Variants in STAT5A observed in about 807,000 individuals in gnomAD.
STAT5A encodes the protein signal transducer and activator of transcription 5A.
STAT5A carries 26 observed loss-of-function variants against 100.2 expected under a neutral mutation model. That is an observed-to-expected ratio of 0.26 (90% CI 0.19 to 0.36). The LOEUF is 0.36. STAT5A is among the 10% of genes least tolerant of loss of function. The probability of loss-of-function intolerance (pLI) is 1.00; values close to 1 mark genes in which losing one functional copy is unlikely to be tolerated. For synonymous variants in STAT5A, 330 were observed against 424.3 expected, an observed-to-expected ratio of 0.78 and a Z score of 2.73; for missense variants, 634 against 1,027.5, an observed-to-expected ratio of 0.62 and a Z score of 5.24.
At chr17:42,305,297 G>A (rs368140775) in intron 11 of STAT5A, among the ~76,000 whole-genome samples, 1 of 152,090 alleles carries the variant, frequency 6.6e-6, no homozygotes, top group East Asian at 1.9e-4. Context: ...GAGGTCAGGG[G>A]TTCGAGATCA....
intron 3 of STAT5A, among the ~76,000 whole-genome samples, chr17:42,291,188 G>C (rs2080865184): frequency 6.6e-6 from 1 of 152,222 alleles, no homozygotes; most frequent in Admixed American, 6.5e-5. Context: ...TCACAATAGG[G>C]TTAGCATTCC....
At position 42,304,472 on chromosome 17, in the gene STAT5A, C is replaced by A. The variant is rs779765082; in HGVS notation, c.1257+43C>A. 3 of 1,614,050 alleles carry A rather than the reference C, an allele frequency of 1.9e-6. No individual in the cohort carries two copies. The highest frequency in any genetic ancestry group is 2.5e-6 in the Non-Finnish European group (3 of 1,179,990). On this transcript the variant is annotated intron_variant, in intron 10 of 18. Coordinates refer to ENST00000590949, the MANE Select transcript of STAT5A (RefSeq NM_001288718.2). This position sits in a 1 kb window ranked among gnomAD's most constrained non-coding sequence, Gnocchi z 4.8. Reference sequence around the variant, plus strand: ...CCTCGGAGGGCAGGTCTGCCCAGAGCTGAGTCCTTGTAAGCAGCCGCCATC... The same window carrying A: ...CCTCGGAGGGCAGGTCTGCCCAGAGATGAGTCCTTGTAAGCAGCCGCCATC...
Position 42,308,617 on chromosome 17 carries a change from G to A in STAT5A, c.2062+284G>A, listed in dbSNP as rs1029002035. 8.1e-5 allele frequency: 42 copies of A among 518,694 alleles called. No homozygotes were observed. Among genetic ancestry groups the A allele is most frequent in the Middle Eastern group, 5.3e-4 (1 of 1,884 alleles). The allele number at this position is 518,694 out of a possible 1,614,324, so 32.1% of individuals were successfully genotyped here. On this transcript the variant is annotated intron_variant, in intron 16 of 18. Transcript: ENST00000590949. This position sits in a 1 kb window ranked among gnomAD's most constrained non-coding sequence, Gnocchi z 4.6. ...GGTGGCAGCACTGTAGGGAGTGGCC[G>A]GGATCATTCGAGCCCACAGATAGTG...
Position 42,304,099 on chromosome 17 carries a change from G to T in STAT5A, c.1170-243G>T, listed in dbSNP as rs892603339. 3 of 531,634 alleles carry T rather than the reference G, an allele frequency of 5.6e-6. No homozygotes were observed. The African/African-American group carries it at 5.7e-5, about 10-fold the overall frequency. 32.9% of individuals were successfully genotyped at this position (531,634 alleles called of 1,614,324 possible). A position where few individuals can be genotyped will look rare whatever the true frequency, so the allele number is the denominator to read the frequency against. On this transcript the variant is annotated intron_variant, in intron 9 of 18. Coordinates refer to ENST00000590949, the MANE Select transcript of STAT5A (RefSeq NM_001288718.2). The surrounding 1 kb of genome is among the most constrained non-coding windows in gnomAD (Gnocchi z 4.8). ...CCCCAAAGCCCTCACATCAATCTTG[G>T]TATCGAGGAATTTCTAATGATAGAT... is the stretch of plus-strand genomic sequence containing the variant.
intron 9 of STAT5A, among the ~76,000 whole-genome samples, chr17:42,303,970 A>G (rs1163016720): frequency 2.0e-5 from 3 of 151,938 alleles, no homozygotes; most frequent in African/African-American, 4.8e-5. Flanking sequence ...GTGAGGGGAG[A>G]GGAATTCAGT....
intron 15 of STAT5A, 65 bp downstream of exon 15, chr17:42,307,788 C>T: frequency 1.3e-6 from 2 of 1,582,542 alleles, no homozygotes; most frequent in African/African-American, 1.3e-5. Context: ...TGCCCCGCCA[C>T]CCCACCCTCC....
At position 42,309,110 on chromosome 17, in the gene STAT5A, G is replaced by C; in HGVS notation, c.2114+12G>C. Reference sequence around the variant, plus strand: ...CAAGTGGTCCCTGAGTAAGTGTCCAGGTGGCTGTGGCTCTCCTTCTGCCTC... The same window carrying C: ...CAAGTGGTCCCTGAGTAAGTGTCCACGTGGCTGTGGCTCTCCTTCTGCCTC... On this transcript the variant is annotated intron_variant, in intron 17 of 18. Transcript: ENST00000590949. 6.2e-7 allele frequency: 1 copy of C among 1,613,896 alleles called. No homozygotes were observed. Among genetic ancestry groups the C allele is most frequent in the Non-Finnish European group, 8.5e-7 (1 of 1,180,004 alleles).
chr17:42,306,142 T>C (rs971930868), intron 12 of STAT5A, 99 bp from the exon 13 acceptor site: 1 of 1,582,700 alleles, frequency 6.3e-7, no homozygotes, highest in Non-Finnish European at 8.6e-7. Context: ...TGGATCTGTC[T>C]CAGTCTCCTC....
rs1368267339 is a variant in STAT5A at position 42,295,706 on chromosome 17, A to C, written c.463A>C (p.Thr155Pro). The change falls in exon 5 of 19, where the codon ACG (threonine) becomes CCG (proline). Residue 155 changes from threonine (T) to proline (P), a missense_variant. This residue lies in a region of STAT5A where 207 missense variants were observed against 256.6 expected (regional missense o/e 0.81). Coordinates refer to ENST00000590949, the MANE Select transcript of STAT5A (RefSeq NM_001288718.2). ...NQTFEELRLVTQDTENELKKL... is the reference protein window; with the variant it reads ...NQTFEELRLVPQDTENELKKL... ...GACATTTGAGGAGCTGCGACTGGTC[A>C]CGCAGGACACAGAGAATGAGCTGAA... The C allele has an allele frequency of 6.2e-7, 1 of 1,613,784 alleles. No individual in the cohort carries two copies. The highest frequency in any genetic ancestry group is 8.5e-7 in the Non-Finnish European group (1 of 1,179,950).
In STAT5A at chr17:42,308,936, T is replaced by G; in HGVS notation, c.2063-111T>G. ...GGTCCTTGGGAAATCTCATCCCAGC[T>G]GAGAACACAAGGTGATGTGAGCAGG... On this transcript the variant is annotated intron_variant, in intron 16 of 18. Coordinates refer to ENST00000590949, the MANE Select transcript of STAT5A (RefSeq NM_001288718.2). This position sits in a 1 kb window ranked among gnomAD's most constrained non-coding sequence, Gnocchi z 4.6. 5.0e-6 allele frequency: 7 copies of G among 1,394,824 alleles called. No homozygotes were observed. Among genetic ancestry groups the G allele is most frequent in the Non-Finnish European group, 7.1e-6 (7 of 989,116 alleles). The allele number at this position is 1,394,824 out of a possible 1,614,324, so 86.4% of individuals were successfully genotyped here.
Position 42,310,601 on chromosome 17 carries a change from GAC to G in STAT5A, c.2319_2320del (p.Asp773GlufsTer3). 6.2e-7 allele frequency: 1 copy of G among 1,614,208 alleles called. No homozygotes were observed. Among genetic ancestry groups the G allele is most frequent in the Non-Finnish European group, 8.5e-7 (1 of 1,180,040 alleles). ...GGAGGAACTCTTACGCCGACCAATGGACAGTCTTGACTCCCGCCTCTCGCCCC... is the reference window on the plus strand; with the variant it reads ...GGAGGAACTCTTACGCCGACCAATGGAGTCTTGACTCCCGCCTCTCGCCCC... ...HVEELLRRPM[D>X]SLDSRLSPPA... On this transcript the variant is annotated frameshift_variant, in exon 19 of 19. Coordinates refer to ENST00000590949, the MANE Select transcript of STAT5A (RefSeq NM_001288718.2). LOFTEE classifies it low-confidence loss of function (END_TRUNC).
At chr17:42,306,551 C>T in intron 13 of STAT5A, 104 bp downstream of exon 13, 1 of 1,512,574 alleles carries the variant, frequency 6.6e-7, no homozygotes, top group Non-Finnish European at 9.0e-7. Context: ...CACTCTCCAC[C>T]CCCAACCACT....
chr17:42,289,361 C>G, intron 1 of STAT5A, 41 bp from the exon 2 acceptor site: 6 of 1,543,522 alleles, frequency 3.9e-6, no homozygotes, highest in Non-Finnish European at 5.2e-6. Flanking sequence ...GGTTCCTTGG[C>G]CTCTGCAGAG....
chr17:42,308,034 C>A lies in STAT5A; in HGVS notation c.1907-144C>A, dbSNP rs887487742. 30 of 1,166,014 alleles carry A rather than the reference C, an allele frequency of 2.6e-5. No homozygotes were observed. Among genetic ancestry groups the A allele is most frequent in the Non-Finnish European group, 3.3e-5 (28 of 838,750 alleles). 72.2% of individuals were successfully genotyped at this position (1,166,014 alleles called of 1,614,324 possible). On this transcript the variant is annotated intron_variant, in intron 15 of 18. Coordinates refer to ENST00000590949, the MANE Select transcript of STAT5A (RefSeq NM_001288718.2). The surrounding 1 kb of genome is among the most constrained non-coding windows in gnomAD (Gnocchi z 4.6). ...GTTTGCTGAGTAGAACATCCCGCATCGGCTTTCTTCCCTACAGGCTGGGGC... is the reference window on the plus strand; with the variant it reads ...GTTTGCTGAGTAGAACATCCCGCATAGGCTTTCTTCCCTACAGGCTGGGGC...
At position 42,305,728 on chromosome 17, in the gene STAT5A, C is replaced by T. The variant is rs182461821; in HGVS notation, c.1473+26C>T. On this transcript the variant is annotated intron_variant, in intron 12 of 18. Transcript: ENST00000590949. ...GTGAGTCCCCGTGGGAGCCCTACCCCAGCACCCCCAGGCCCTAGGACTCAC... is the reference window on the plus strand; with the variant it reads ...GTGAGTCCCCGTGGGAGCCCTACCCTAGCACCCCCAGGCCCTAGGACTCAC... 1.6e-4 allele frequency: 264 copies of T among 1,611,646 alleles called. 1 individual carries two copies. The highest frequency in any genetic ancestry group is 6.6e-4 in the Middle Eastern group (4 of 6,052).
rs954975482 is a variant in STAT5A at position 42,311,743 on chromosome 17, C to G, written c.*1074C>G. On this transcript the variant is annotated 3_prime_UTR_variant, in exon 19 of 19. Transcript: ENST00000590949. ...GTAACTGGCTGTGTTCTGGTGAGGCCTTGCTCCCAACCCCACACGCTCCTC... is the reference window on the plus strand; with the variant it reads ...GTAACTGGCTGTGTTCTGGTGAGGCGTTGCTCCCAACCCCACACGCTCCTC... 2.6e-5 allele frequency: 4 copies of G among 152,666 alleles called. No individual in the cohort carries two copies. The highest frequency in any genetic ancestry group is 2.6e-4 in the Admixed American group (4 of 15,278). 9.5% of individuals were successfully genotyped at this position (152,666 alleles called of 1,614,324 possible). A position where few individuals can be genotyped will look rare whatever the true frequency, so the allele number is the denominator to read the frequency against.
At position 42,304,443 on chromosome 17, in the gene STAT5A, C is replaced by A; in HGVS notation, c.1257+14C>A. 6.2e-7 allele frequency: 1 copy of A among 1,614,190 alleles called. No homozygotes were observed. On this transcript the variant is annotated intron_variant, in intron 10 of 18. Coordinates refer to ENST00000590949, the MANE Select transcript of STAT5A (RefSeq NM_001288718.2). The surrounding 1 kb of genome is among the most constrained non-coding windows in gnomAD (Gnocchi z 4.8). ...TTCAGGAACATGGTGAGGACGGGGC[C>A]CACCCTCGGAGGGCAGGTCTGCCCA...
chr17:42,305,784 C>T, intron 12 of STAT5A, 82 bp downstream of exon 12: 2 of 1,430,048 alleles, frequency 1.4e-6, no homozygotes, highest in Admixed American at 1.9e-5. Flanking sequence ...TGGGCCCCTG[C>T]TGAGTGGTCC....
intron 9 of STAT5A, among the ~76,000 whole-genome samples, chr17:42,302,859 G>A (rs991113455): frequency 1.3e-5 from 2 of 152,002 alleles, no homozygotes; most frequent in Non-Finnish European, 1.5e-5. Flanking sequence ...ACTACTCTGA[G>A]GCAAGAAAAT....
Sources: gnomAD v4.1 joint callset for allele counts (sites outside exome capture counted in the v4.1 genomes callset) on GRCh38, gnomAD v4.1.1 for gene constraint, gnomAD v4.1.1 regional missense constraint, Gnocchi (gnomAD v3.1) non-coding constraint, MANE v1.5 for transcripts, NCBI Gene and HGNC (gene_info 2026-07-23, HGNC 2026-07-21) for gene names.